METTL15: variants seen among roughly 807,000 people sequenced by gnomAD.
METTL15 encodes the protein methyltransferase 15, mitochondrial 12S rRNA N4-cytidine.
METTL15 carries 34 observed loss-of-function variants against 38.3 expected under a neutral mutation model. The observed-to-expected ratio is 0.89, with a 90% CI of 0.68 to 1.18. METTL15 has a LOEUF of 1.18. Ranked by LOEUF, METTL15 falls within the 50% of genes most tolerant of loss-of-function variation. METTL15 has a pLI of 0.00. For missense variants in METTL15, 438 were observed against 498.4 expected (o/e 0.88, Z 1.15); for synonymous variants, 162 against 170.9 (o/e 0.95, Z 0.41).
At chr11:28,509,992 C>A (rs1253434486) in intron 6 of METTL15, among the ~76,000 whole-genome samples, 2 of 151,904 alleles carry the variant, frequency 1.3e-5, no homozygotes. Flanking sequence ...CCTGGATGCC[C>A]ACATTCAATT....
At chr11:28,480,984 A>G (rs1003204240) in intron 6 of METTL15, among the ~76,000 whole-genome samples, 7 of 152,196 alleles carry the variant, frequency 4.6e-5, no homozygotes, top group Admixed American at 2.6e-4. Flanking sequence ...CTGATCAAGA[A>G]GGTAATGTTT....
intron 3 of METTL15, among the ~76,000 whole-genome samples, chr11:28,155,559 C>T (rs1850235445): frequency 6.6e-6 from 1 of 152,056 alleles, no homozygotes; most frequent in African/African-American, 2.4e-5. Context: ...GCTTATGGAC[C>T]CTCTTAACAG....
intron 3 of METTL15, among the ~76,000 whole-genome samples, chr11:28,161,006 G>A (rs973719602): frequency 6.6e-6 from 1 of 150,376 alleles, no homozygotes; most frequent in African/African-American, 2.4e-5. Flanking sequence ...TATACTAGCT[G>A]TAATTGAAAG....
At chr11:28,246,173 A>G (rs527889875) in intron 4 of METTL15, among the ~76,000 whole-genome samples, 1 of 152,204 alleles carries the variant, frequency 6.6e-6, no homozygotes, top group Non-Finnish European at 1.5e-5. Flanking sequence ...ATTTCAAAAT[A>G]GCTAGAAGAA....
intron 3 of METTL15, among the ~76,000 whole-genome samples, chr11:28,346,959 A>C (rs1368403927): frequency 6.6e-6 from 1 of 152,236 alleles, no homozygotes; most frequent in East Asian, 1.9e-4. Flanking sequence ...ATGTTTACTA[A>C]CCACAGATTG....
intron 6 of METTL15, among the ~76,000 whole-genome samples, chr11:28,492,025 G>T (rs1215546667): frequency 6.6e-6 from 1 of 152,142 alleles, no homozygotes; most frequent in Non-Finnish European, 1.5e-5. Context: ...GCCTTTAGGA[G>T]CCTGGCACAA....
intron 3 of METTL15, among the ~76,000 whole-genome samples, chr11:28,159,629 A>G (rs75194800): frequency 2.6e-5 from 4 of 152,160 alleles, no homozygotes; most frequent in Admixed American, 6.6e-5. Flanking sequence ...GTGCATGTAT[A>G]CACTTGTACT....
intron 5 of METTL15, among the ~76,000 whole-genome samples, chr11:28,415,383 A>G (rs985455600): frequency 5.3e-5 from 8 of 152,248 alleles, no homozygotes; most frequent in African/African-American, 1.9e-4. Flanking sequence ...ACCACAGGGA[A>G]TATAGCTATG....
intron 6 of METTL15, among the ~76,000 whole-genome samples, chr11:28,490,065 G>A (rs1851481894): frequency 6.6e-6 from 1 of 152,136 alleles, no homozygotes; most frequent in South Asian, 2.1e-4. Flanking sequence ...GGAGGAAGCA[G>A]AAGGAAGTTA....
intron 5 of METTL15, among the ~76,000 whole-genome samples, chr11:28,366,346 C>A (rs1303919512): frequency 6.6e-6 from 1 of 152,080 alleles, no homozygotes; most frequent in East Asian, 1.9e-4. Flanking sequence ...GGCATTATAT[C>A]CATCTATAAA....
intron 6 of METTL15, among the ~76,000 whole-genome samples, chr11:28,507,389 G>A (rs1401289803): frequency 6.6e-6 from 1 of 152,074 alleles, no homozygotes; most frequent in Admixed American, 6.6e-5. Flanking sequence ...GAACAGCAAA[G>A]GGAAAATCCA....
chr11:28,394,964 T>C (rs1199399640), intron 5 of METTL15, among the ~76,000 whole-genome samples: 1 of 152,056 alleles, frequency 6.6e-6, no homozygotes, highest in African/African-American at 2.4e-5. Flanking sequence ...ATGGCTGATT[T>C]CTCCCTACTA....
At chr11:28,455,741 C>G (rs1458835356) in intron 6 of METTL15, among the ~76,000 whole-genome samples, 6 of 152,192 alleles carry the variant, frequency 3.9e-5, no homozygotes, top group African/African-American at 1.4e-4. Context: ...GAGTCTCGCT[C>G]TGTCACCCAG....
chr11:28,260,177 C>A (rs915896175), intron 4 of METTL15, among the ~76,000 whole-genome samples: 1 of 152,184 alleles, frequency 6.6e-6, no homozygotes, highest in Non-Finnish European at 1.5e-5. Flanking sequence ...CCTTTCTGTA[C>A]TAAGAACATA....
intron 3 of METTL15, among the ~76,000 whole-genome samples, chr11:28,161,970 C>T (rs920820158): frequency 1.3e-5 from 2 of 152,116 alleles, no homozygotes; most frequent in African/African-American, 4.8e-5. Context: ...TAATAGTAAT[C>T]ATAAAATTTA....
chr11:28,362,277 TATC>T (rs769458569), intron 5 of METTL15, among the ~76,000 whole-genome samples: 1 of 152,152 alleles, frequency 6.6e-6, no homozygotes, highest in African/African-American at 2.4e-5. Flanking sequence ...GAAGATCACA[TATC>T]ATATTGCATT....
At chr11:28,455,942 G>A (rs1411256188) in intron 6 of METTL15, among the ~76,000 whole-genome samples, 2 of 152,064 alleles carry the variant, frequency 1.3e-5, no homozygotes, top group East Asian at 1.9e-4. Flanking sequence ...TCCTGACCTC[G>A]TGATCTGCCC....
chr11:28,464,704 A>G (rs1243396842), intron 6 of METTL15, among the ~76,000 whole-genome samples: 4 of 152,248 alleles, frequency 2.6e-5, no homozygotes, highest in East Asian at 1.9e-4. Context: ...TCTACATTCT[A>G]TGCTTCTAAG....
chr11:28,196,052 T>C (rs1314810791), intron 3 of METTL15, among the ~76,000 whole-genome samples: 2 of 152,088 alleles, frequency 1.3e-5, no homozygotes, highest in Non-Finnish European at 2.9e-5. Context: ...TCTGTTCCAG[T>C]GGTCTGTGTT....
Sources: gnomAD v4.1 joint callset for allele counts (sites outside exome capture counted in the v4.1 genomes callset) on GRCh38, gnomAD v4.1.1 for gene constraint, MANE v1.5 for transcripts, NCBI Gene and HGNC (gene_info 2026-07-23, HGNC 2026-07-21) for gene names.